DLX5: variants seen among roughly 807,000 people sequenced by gnomAD.
DLX5 encodes distal-less homeobox 5, also known as homeobox protein DLX-5.
In DLX5, 8 loss-of-function variants were observed where a neutral mutation model predicts 27.1. The observed-to-expected ratio is 0.30, with a 90% confidence interval of 0.17 to 0.53. The LOEUF (loss-of-function observed/expected upper bound fraction) is 0.53. Among genes scored for constraint, DLX5 ranks in the 20% least tolerant of loss-of-function variants. The pLI is 0.95. For synonymous variants in DLX5, 178 were observed against 161.9 expected (o/e 1.10, Z -0.75); for missense variants, 339 against 375.1 (o/e 0.90, Z 0.80).
At chr7:97,022,556 G>C in intron 1 of DLX5, 187 bp from the exon 2 acceptor site, 1 of 985,442 alleles carries the variant, frequency 1.0e-6, no homozygotes, top group Non-Finnish European at 1.2e-6. Context: ...AAGCGGGATA[G>C]CCTCTGATTA....
At position 97,022,484 on chromosome 7, in the gene DLX5, A is replaced by G. The variant is rs1376220964; in HGVS notation, c.356-115T>C. On this transcript the variant is annotated intron_variant, in intron 1 of 2. Transcript: ENST00000648378. ...ACCACTCAGTCTTCATTCTTTGCCC[A>G]TATCACCACCACCTTTGCTTTTCAG... 11 of 1,527,746 alleles carry G rather than the reference A, an allele frequency of 7.2e-6. No individual in the cohort carries two copies. The East Asian group carries it at 2.1e-4, about 29-fold the overall frequency. 94.6% of individuals were successfully genotyped at this position (1,527,746 alleles called of 1,614,324 possible). A position where few individuals can be genotyped will look rare whatever the true frequency, so the allele number is the denominator to read the frequency against.
chr7:97,020,955 CGA>C lies in DLX5; in HGVS notation c.649_650del (p.Ser217AlafsTer95). 1 of 1,613,944 alleles carries C rather than the reference CGA, an allele frequency of 6.2e-7. No homozygotes were observed. The highest frequency in any genetic ancestry group is 1.3e-5 in the African/African-American group (1 of 75,074). On this transcript the variant is annotated frameshift_variant, in exon 3 of 3. Coordinates refer to ENST00000648378, the MANE Select transcript of DLX5 (RefSeq NM_005221.6). LOFTEE classifies it high-confidence loss of function. ...PSSSDPMACNSPQSPAVWEPQ... is the reference protein window; with the variant it reads ...PSSSDPMACNXPQSPAVWEPQ... ...GCTCCCACACCGCTGGAGACTGCGG[CGA>C]GTTACACGCCATTGGGTCGCTGGAG... is the stretch of plus-strand genomic sequence containing the variant.
In DLX5 at chr7:97,020,705, C is replaced by A; in HGVS notation, c.*31G>T. 1 of 1,507,282 alleles carries A rather than the reference C, an allele frequency of 6.6e-7. No homozygotes were observed. The highest frequency in any genetic ancestry group is 8.9e-7 in the Non-Finnish European group (1 of 1,124,672). 93.4% of individuals were successfully genotyped at this position (1,507,282 alleles called of 1,614,324 possible). A position where few individuals can be genotyped will look rare whatever the true frequency, so the allele number is the denominator to read the frequency against. On this transcript the variant is annotated 3_prime_UTR_variant, in exon 3 of 3. Coordinates refer to ENST00000648378, the MANE Select transcript of DLX5 (RefSeq NM_005221.6). ...TCTAGAACAGCAAAACACAGTAGTC[C>A]CAAAAAAGAGAGTAAGAGAGAGCAG...
Position 97,021,076 on chromosome 7 carries a change from G to C in DLX5, c.541-11C>G. 1.3e-6 allele frequency: 2 copies of C among 1,593,796 alleles called. No individual in the cohort carries two copies. The highest frequency in any genetic ancestry group is 1.7e-6 in the Non-Finnish European group (2 of 1,167,658). On this transcript the variant is annotated splice_polypyrimidine_tract_variant and intron_variant, in intron 2 of 2. Transcript: ENST00000648378. Reference sequence around the variant, plus strand: ...AAACCAGATTTTCACCTGAGTTGGGGAACAAAGGCACACGTTACCGGGACA... The same window carrying C: ...AAACCAGATTTTCACCTGAGTTGGGCAACAAAGGCACACGTTACCGGGACA...
chr7:97,023,212 T>A (rs1240962585), intron 1 of DLX5, among the ~76,000 whole-genome samples: 1 of 149,406 alleles, frequency 6.7e-6, no homozygotes, highest in Non-Finnish European at 1.5e-5. Context: ...CTCACTGTCA[T>A]GAGTATGGGT....
At position 97,024,119 on chromosome 7, in the gene DLX5, CTCTT is replaced by C; in HGVS notation, c.355+146_355+149del. ...CCCTAAAATGCTGGCCCGAGAAACT[CTCTT>C]TGTTGGAGGGTCTGAGTCCTACTCC... On this transcript the variant is annotated intron_variant, in intron 1 of 2. Transcript: ENST00000648378. This position sits in a 1 kb window ranked among gnomAD's most constrained non-coding sequence, Gnocchi z 4.6. 1 of 716,106 alleles carries C rather than the reference CTCTT, an allele frequency of 1.4e-6. No homozygotes were observed. Among genetic ancestry groups the C allele is most frequent in the Non-Finnish European group, 2.2e-6 (1 of 445,672 alleles). 44.4% of individuals were successfully genotyped at this position (716,106 alleles called of 1,614,324 possible).
At chr7:97,021,283 C>G (rs943432168) in intron 2 of DLX5, among the ~76,000 whole-genome samples, 5 of 152,194 alleles carry the variant, frequency 3.3e-5, no homozygotes, top group Non-Finnish European at 7.3e-5. Context: ...GCGCCCCGGC[C>G]CAGCGAGGCC....
Position 97,022,337 on chromosome 7 carries a change from C to T in DLX5, c.388G>A (p.Val130Met). The T allele has an allele frequency of 6.2e-7, 1 of 1,614,192 alleles. No individual in the cohort carries two copies. Among genetic ancestry groups the T allele is most frequent in the Non-Finnish European group, 8.5e-7 (1 of 1,180,050 alleles). ...CGAACTTTCTTTGGTTTGCCATTCA[C>T]CATTCTCACCTCGGGCTCGGTCACT... is the stretch of plus-strand genomic sequence containing the variant. ...KEVTEPEVRM[V>M]NGKPKKVRKP... The change falls in exon 2 of 3, where the codon GTG (valine) becomes ATG (methionine). Residue 130 changes from valine to methionine, a missense_variant. Around this residue, in one of 3 missense-constraint regions of DLX5, gnomAD observed 188 missense variants for 206.1 expected, o/e 0.91. Transcript: ENST00000648378.
rs948530850 is a variant in DLX5, at chr7:97,021,895, C to T, written c.540+290G>A. ...CTGCCTAGGCCGCCCTAGAAATAACCCTCCGCTTGCTTTCAACCCGCGAAA... is the reference window on the plus strand; with the variant it reads ...CTGCCTAGGCCGCCCTAGAAATAACTCTCCGCTTGCTTTCAACCCGCGAAA... On this transcript the variant is annotated intron_variant, in intron 2 of 2. Coordinates refer to ENST00000648378, the MANE Select transcript of DLX5 (RefSeq NM_005221.6). 1.0e-5 allele frequency: 6 copies of T among 598,562 alleles called. No homozygotes were observed. The African/African-American group carries it at 1.1e-4, about 11-fold the overall frequency. 37.1% of individuals were successfully genotyped at this position (598,562 alleles called of 1,614,324 possible). A position where few individuals can be genotyped will look rare whatever the true frequency, so the allele number is the denominator to read the frequency against.
chr7:97,023,587 AAGG>A (rs768928751), intron 1 of DLX5, among the ~76,000 whole-genome samples: 16 of 152,084 alleles, frequency 1.1e-4, no homozygotes, highest in Non-Finnish European at 2.2e-4. Flanking sequence ...GCGGACGAAA[AAGG>A]AGGACGGAAA....
chr7:97,024,248 G>C lies in DLX5; in HGVS notation c.355+21C>G. The C allele has an allele frequency of 6.2e-7, 1 of 1,604,056 alleles. No homozygotes were observed. Among genetic ancestry groups the C allele is most frequent in the Admixed American group, 1.7e-5 (1 of 59,462 alleles). ...GTCCTAGTCGCCCTGTATCTGCCCAGCCTTCCCCCTGTCCATGTACCTGGC... is the reference window on the plus strand; with the variant it reads ...GTCCTAGTCGCCCTGTATCTGCCCACCCTTCCCCCTGTCCATGTACCTGGC... On this transcript the variant is annotated intron_variant, in intron 1 of 2. Transcript: ENST00000648378. The surrounding 1 kb of genome is among the most constrained non-coding windows in gnomAD (Gnocchi z 4.6).
At chr7:97,022,612 C>T in intron 1 of DLX5, 1 of 985,378 alleles carries the variant, frequency 1.0e-6, no homozygotes. Context: ...GCGCTTCCTA[C>T]AACACTGCTT....
Position 97,020,599 on chromosome 7 carries a change from T to A in DLX5, c.*137A>T, listed in dbSNP as rs2115902138. 1.1e-6 allele frequency: 1 copy of A among 917,928 alleles called. No individual in the cohort carries two copies. The highest frequency in any genetic ancestry group is 3.3e-5 in the South Asian group (1 of 30,530). 56.9% of individuals were successfully genotyped at this position (917,928 alleles called of 1,614,324 possible). On this transcript the variant is annotated 3_prime_UTR_variant, in exon 3 of 3. Coordinates refer to ENST00000648378, the MANE Select transcript of DLX5 (RefSeq NM_005221.6). ...GGGGGGTCTTTTGAAATGCAATAAC[T>A]TACATGCAAAAAAAAGCTTTACACA...
In DLX5 at chr7:97,024,209, C is replaced by T. The variant is rs1198083864; in HGVS notation, c.355+60G>A. The T allele has an allele frequency of 6.6e-7, 1 of 1,509,582 alleles. No homozygotes were observed. The highest frequency in any genetic ancestry group is 8.9e-7 in the Non-Finnish European group (1 of 1,119,172). The allele number at this position is 1,509,582 out of a possible 1,614,324, so 93.5% of individuals were successfully genotyped here. ...TGTGACCCCCAATCTACCACCCCAT[C>T]TCGCGCCCCCAGCGTCCTAGTCGCC... On this transcript the variant is annotated intron_variant, in intron 1 of 2. Transcript: ENST00000648378. The surrounding 1 kb of genome is among the most constrained non-coding windows in gnomAD (Gnocchi z 4.6).
At position 97,020,638 on chromosome 7, in the gene DLX5, G is replaced by A; in HGVS notation, c.*98C>T. The A allele has an allele frequency of 1.6e-6, 2 of 1,238,846 alleles. No individual in the cohort carries two copies. Among genetic ancestry groups the A allele is most frequent in the Non-Finnish European group, 2.2e-6 (2 of 924,198 alleles). 76.7% of individuals were successfully genotyped at this position (1,238,846 alleles called of 1,614,324 possible). A position where few individuals can be genotyped will look rare whatever the true frequency, so the allele number is the denominator to read the frequency against. On this transcript the variant is annotated 3_prime_UTR_variant, in exon 3 of 3. Coordinates refer to ENST00000648378, the MANE Select transcript of DLX5 (RefSeq NM_005221.6). ...AAGCTTTACACATGAATCTTTTTCA[G>A]TTTTCCGAACTTCCCCATATGAATT...
intron 2 of DLX5, 90 bp downstream of exon 2, chr7:97,022,095 A>G: frequency 6.6e-7 from 1 of 1,511,728 alleles, no homozygotes; most frequent in Admixed American, 1.7e-5. Flanking sequence ...GGTACTGTCA[A>G]AACAGCTCCA....
chr7:97,022,469 C>G (rs1417685872), intron 1 of DLX5, 100 bp from the exon 2 acceptor site: 1 of 1,553,726 alleles, frequency 6.4e-7, no homozygotes, highest in Non-Finnish European at 8.7e-7. Context: ...ACCACTCAGT[C>G]TTCATTCTTT....
At position 97,021,959 on chromosome 7, in the gene DLX5, G is replaced by A. The variant is rs1383155980; in HGVS notation, c.540+226C>T. On this transcript the variant is annotated intron_variant, in intron 2 of 2. Transcript: ENST00000648378. Reference sequence around the variant, plus strand: ...TCCGGAGGCCCGCTACGGGGTGGGGGCGGGGGGCGCGGTTAGTGGGAGGTA... The same window carrying A: ...TCCGGAGGCCCGCTACGGGGTGGGGACGGGGGGCGCGGTTAGTGGGAGGTA... 1.8e-5 allele frequency: 11 copies of A among 617,982 alleles called. No individual in the cohort carries two copies. In the East Asian group the frequency reaches 2.5e-4, roughly 14 times the overall value. 38.3% of individuals were successfully genotyped at this position (617,982 alleles called of 1,614,324 possible). A position where few individuals can be genotyped will look rare whatever the true frequency, so the allele number is the denominator to read the frequency against.
chr7:97,021,976 T>C (rs1339274533), intron 2 of DLX5: 1 of 634,636 alleles, frequency 1.6e-6, no homozygotes, highest in African/African-American at 1.8e-5. Flanking sequence ...GCGCGGTTAG[T>C]GGGAGGTATC....
Sources: gnomAD v4.1 joint callset for allele counts (sites outside exome capture counted in the v4.1 genomes callset) on GRCh38, gnomAD v4.1.1 for gene constraint, gnomAD v4.1.1 regional missense constraint, Gnocchi (gnomAD v3.1) non-coding constraint, MANE v1.5 for transcripts, NCBI Gene and HGNC (gene_info 2026-07-23, HGNC 2026-07-21) for gene names.